The following SDK1 variants were observed in gnomAD, a reference collection of about 807,000 sequenced individuals.
The protein encoded by SDK1 is protein sidekick-1.
SDK1 carries 157 observed loss-of-function variants against 245.5 expected under a neutral mutation model. The ratio of observed to expected loss-of-function variants is 0.64; its 90% CI spans 0.56 to 0.73. SDK1 has a LOEUF of 0.73. Among genes scored for constraint, SDK1 ranks in the 30% least tolerant of loss-of-function variants. The pLI is 0.00. For missense variants in SDK1, 3,583 were observed against 3,002.3 expected, an observed-to-expected ratio of 1.19 and a Z score of -4.52; for synonymous variants, 1,647 against 1,278.5, an observed-to-expected ratio of 1.29 and a Z score of -6.15.
rs1311522570 is a variant in SDK1, at chr7:3,374,484, T to C, written c.298+72600T>C. Among the ~76,000 whole-genome samples the C allele has an allele frequency of 3.9e-5, 6 of 152,202 alleles. No homozygotes were observed. In the South Asian group the frequency reaches 1.0e-3, roughly 26 times the overall value. ...CAGTCACAGACCTGGCAGCAGTGCA[T>C]TGTAACTCTGAAAGCCCTTCAGTGG... On this transcript the variant is annotated intron_variant, in intron 1 of 44. Transcript: ENST00000404826.
At chr7:4,097,003 A>G (rs1332053784) in intron 22 of SDK1, among the ~76,000 whole-genome samples, 1 of 152,232 alleles carries the variant, frequency 6.6e-6, no homozygotes, top group Admixed American at 6.5e-5. Context: ...ACAAACTCGC[A>G]CAGCTTGAAA....
At chr7:3,569,779 T>C (rs1274421943) in intron 1 of SDK1, among the ~76,000 whole-genome samples, 2 of 152,244 alleles carry the variant, frequency 1.3e-5, no homozygotes, top group African/African-American at 2.4e-5. Flanking sequence ...GTGCTACTAA[T>C]GTGCTTGGCT....
intron 4 of SDK1, among the ~76,000 whole-genome samples, chr7:3,816,979 A>G (rs1779522436): frequency 6.6e-6 from 1 of 152,218 alleles, no homozygotes; most frequent in South Asian, 2.1e-4. Context: ...CGTAGTGGTA[A>G]AACTATAGAC....
At chr7:3,974,195 A>G (rs1432133077) in intron 12 of SDK1, among the ~76,000 whole-genome samples, 174 bp from the exon 13 acceptor site, 3 of 151,772 alleles carry the variant, frequency 2.0e-5, no homozygotes, top group African/African-American at 7.3e-5. Context: ...AAAAAAAAAA[A>G]AAAAAGAAAG....
At chr7:3,969,161 G>T in intron 10 of SDK1, 96 bp from the exon 11 acceptor site, 2 of 1,172,354 alleles carry the variant, frequency 1.7e-6, no homozygotes, top group Non-Finnish European at 2.3e-6. Context: ...GGGACACGGA[G>T]CCGAACCATA....
At chr7:4,143,989 A>G (rs1241065445) in intron 28 of SDK1, among the ~76,000 whole-genome samples, 3 of 152,170 alleles carry the variant, frequency 2.0e-5, no homozygotes, top group Non-Finnish European at 4.4e-5. Flanking sequence ...GGCGGCCAGG[A>G]GCCCCGAAGC....
At chr7:3,539,030 G>T (rs996867929) in intron 1 of SDK1, among the ~76,000 whole-genome samples, 5 of 152,180 alleles carry the variant, frequency 3.3e-5, no homozygotes, top group African/African-American at 7.2e-5. Context: ...TCATAGGAAA[G>T]AGTGTCTGGT....
chr7:4,232,915 T>C (rs559195086), intron 40 of SDK1: 1 of 177,914 alleles, frequency 5.6e-6, no homozygotes, highest in Admixed American at 6.0e-5. Flanking sequence ...TTGAGTTTAT[T>C]CATGTTTTCT....
intron 1 of SDK1, among the ~76,000 whole-genome samples, chr7:3,540,214 C>G (rs1779014237): frequency 6.6e-6 from 1 of 152,176 alleles, no homozygotes; most frequent in Non-Finnish European, 1.5e-5. Flanking sequence ...CAAGACCAGC[C>G]TGGCCAACAT....
At chr7:3,986,492 C>T (rs1337980413) in intron 13 of SDK1, among the ~76,000 whole-genome samples, 1 of 152,210 alleles carries the variant, frequency 6.6e-6, no homozygotes, top group Admixed American at 6.5e-5. Context: ...GGGACTTTTC[C>T]TGCATATGTG....
intron 35 of SDK1, among the ~76,000 whole-genome samples, chr7:4,186,223 C>T (rs1782886388): frequency 6.6e-6 from 1 of 152,204 alleles, no homozygotes; most frequent in Non-Finnish European, 1.5e-5. Context: ...GTCGTGGGGA[C>T]ACTAGGGGCA....
chr7:3,701,924 CAAAAAAAAAAAA>C (rs58687135), intron 4 of SDK1, among the ~76,000 whole-genome samples: 6 of 85,722 alleles, frequency 7.0e-5, no homozygotes, highest in South Asian at 9.5e-4. Context: ...CGTGCATAAG[CAAAAAAAAAAAA>C]AAAAAAAAAG....
chr7:3,357,007 A>G (rs1255738874), intron 1 of SDK1, among the ~76,000 whole-genome samples: 2 of 147,008 alleles, frequency 1.4e-5, no homozygotes, highest in African/African-American at 2.5e-5. Flanking sequence ...GTGAGCCGAG[A>G]TAGTGCCACT....
intron 17 of SDK1, among the ~76,000 whole-genome samples, chr7:4,031,487 G>C (rs1301987645): frequency 6.6e-6 from 1 of 152,082 alleles, no homozygotes; most frequent in East Asian, 1.9e-4. Flanking sequence ...AATTATGTGT[G>C]TATAAACATT....
chr7:3,467,112 G>T (rs929101640), intron 1 of SDK1, among the ~76,000 whole-genome samples: 7 of 151,580 alleles, frequency 4.6e-5, no homozygotes, highest in African/African-American at 1.7e-4. Context: ...TGGTTGAATT[G>T]AAGTTATTTT....
chr7:4,040,678 A>G lies in SDK1; in HGVS notation c.2603-8670A>G, dbSNP rs1258001357. On this transcript the variant is annotated intron_variant, in intron 17 of 44. Transcript: ENST00000404826. ...TGGTCAGACCAGGTGTGCCATTTGC[A>G]TAAGGCACAAAAAACCAGGACTGGA... 2.0e-5 allele frequency among the ~76,000 whole-genome samples: 3 copies of G among 152,306 alleles called. No homozygotes were observed. In the South Asian group the frequency reaches 6.2e-4, roughly 32 times the overall value.
At chr7:4,073,179 C>G (rs918375153) in intron 20 of SDK1, among the ~76,000 whole-genome samples, 1 of 152,200 alleles carries the variant, frequency 6.6e-6, no homozygotes, top group East Asian at 1.9e-4. Context: ...CCTCTCTCCT[C>G]TGGGAGCTGG....
chr7:3,341,787 C>T (rs959399783), intron 1 of SDK1, among the ~76,000 whole-genome samples: 7 of 152,108 alleles, frequency 4.6e-5, no homozygotes, highest in Admixed American at 3.3e-4. Flanking sequence ...ATCAGAGGAC[C>T]CAAATGTTGC....
chr7:4,028,642 T>G (rs58027329), intron 17 of SDK1, among the ~76,000 whole-genome samples: 2,229 of 152,340 alleles, frequency 0.015, 58 homozygotes, highest in African/African-American at 0.052. Context: ...CATAACACTT[T>G]ATGTCCCACA....
Sources: allele counts gnomAD v4.1 joint callset (sites outside exome capture counted in the v4.1 genomes callset), GRCh38; gene constraint gnomAD v4.1.1; transcripts MANE v1.5; gene names NCBI Gene and HGNC (gene_info 2026-07-23, HGNC 2026-07-21).